Variants in CYP4F11 observed in about 807,000 individuals in gnomAD.
CYP4F11 encodes cytochrome P450 family 4 subfamily F member 11, also known as cytochrome P450 4F11.
Under a neutral mutation model 62.2 loss-of-function variants are expected in CYP4F11, and 79 were observed. The observed-to-expected ratio is 1.27, with a 90% confidence interval of 1.06 to 1.53. CYP4F11 has a LOEUF of 1.53. Ranked by LOEUF, CYP4F11 falls within the 40% of genes most tolerant of loss-of-function variation. The pLI is 0.00. For synonymous variants in CYP4F11, 290 were observed against 263.7 expected, an observed-to-expected ratio of 1.10 and a Z score of -0.97; for missense variants, 777 against 680.5, an observed-to-expected ratio of 1.14 and a Z score of -1.58.
chr19:15,912,733 GTA>G lies in CYP4F11; in HGVS notation c.*997_*998del, dbSNP rs1346656816. 1,231 of 52,112 alleles carry G rather than the reference GTA, an allele frequency of 0.024. 60 individuals are homozygous for G. The highest frequency in any genetic ancestry group is 0.024 in the Non-Finnish European group (706 of 29,606). 3.2% of individuals were successfully genotyped at this position (52,112 alleles called of 1,614,324 possible). A position where few individuals can be genotyped will look rare whatever the true frequency, so the allele number is the denominator to read the frequency against. On this transcript the variant is annotated 3_prime_UTR_variant, in exon 12 of 12. Coordinates refer to ENST00000402119, the MANE Select transcript of CYP4F11 (RefSeq NM_021187.4). ...TGTGTGTGTGTGTGTGTGTGTGTGT[GTA>G]TATGTATATATGTGTGTGTGTGTGT...
chr19:15,913,681 G>T lies in CYP4F11; in HGVS notation c.*51C>A. On this transcript the variant is annotated 3_prime_UTR_variant, in exon 12 of 12. Transcript: ENST00000402119. ...CAACGAGGCTCAAGCAGAGGTGTCA[G>T]CATAGTTTTGTTTCTGGGACTCTAC... 1 of 1,607,022 alleles carries T rather than the reference G, an allele frequency of 6.2e-7. No individual in the cohort carries two copies. The highest frequency in any genetic ancestry group is 8.5e-7 in the Non-Finnish European group (1 of 1,174,880).
At position 15,912,662 on chromosome 19, in the gene CYP4F11, C is replaced by A. The variant is rs1182561168; in HGVS notation, c.*1070G>T. 2 of 44,770 alleles carry A rather than the reference C, an allele frequency of 4.5e-5. No individual in the cohort carries two copies. The highest frequency in any genetic ancestry group is 5.2e-5 in the Non-Finnish European group (1 of 19,216). 2.8% of individuals were successfully genotyped at this position (44,770 alleles called of 1,614,324 possible). A position where few individuals can be genotyped will look rare whatever the true frequency, so the allele number is the denominator to read the frequency against. On this transcript the variant is annotated 3_prime_UTR_variant, in exon 12 of 12. Transcript: ENST00000402119. ...TCACACAGTCAGGTACCTTCACCAT[C>A]CTCAGGAAAAAAAAAAAAATATATA...
At position 15,912,773 on chromosome 19, in the gene CYP4F11, A is replaced by ATG. The variant is rs2089546696; in HGVS notation, c.*958_*959insCA. ...TGTGTGTGTGTGTGTGTGTGTGTGT[A>ATG]TATATATATATATATAATATATATA... On this transcript the variant is annotated 3_prime_UTR_variant, in exon 12 of 12. Transcript: ENST00000402119. 1 of 28,696 alleles carries ATG rather than the reference A, an allele frequency of 3.5e-5. No homozygotes were observed. The highest frequency in any genetic ancestry group is 9.9e-4 in the South Asian group (1 of 1,006). The allele number at this position is 28,696 out of a possible 1,614,324, so 1.8% of individuals were successfully genotyped here. A position where few individuals can be genotyped will look rare whatever the true frequency, so the allele number is the denominator to read the frequency against.
intron 8 of CYP4F11, among the ~76,000 whole-genome samples, chr19:15,921,800 T>C (rs1158625474): frequency 6.6e-6 from 1 of 152,184 alleles, no homozygotes; most frequent in African/African-American, 2.4e-5. Flanking sequence ...GAACACATGC[T>C]AAGTGGCATC....
rs191697057 is a variant in CYP4F11, at chr19:15,931,221, C to G, written c.199-1620G>C. On this transcript the variant is annotated intron_variant, in intron 1 of 11. Coordinates refer to ENST00000402119, the MANE Select transcript of CYP4F11 (RefSeq NM_021187.4). ...ACTGCCCACACTTCTCTTCTGGACC[C>G]TCTGTGTCCCTGCGTATGGAAAGGG... 2.0e-5 allele frequency among the ~76,000 whole-genome samples: 3 copies of G among 151,962 alleles called. No homozygotes were observed. In the East Asian group the frequency reaches 5.8e-4, roughly 29 times the overall value.
At chr19:15,926,432 T>C (rs1473671928) in intron 4 of CYP4F11, among the ~76,000 whole-genome samples, 2 of 152,212 alleles carry the variant, frequency 1.3e-5, no homozygotes, top group Non-Finnish European at 2.9e-5. Flanking sequence ...AAGAAAAACA[T>C]CCTAAGCACT....
intron 4 of CYP4F11, among the ~76,000 whole-genome samples, chr19:15,926,087 C>A (rs865872606): frequency 1.2e-4 from 18 of 151,568 alleles, no homozygotes; most frequent in African/African-American, 4.1e-4. Flanking sequence ...TGGCGTGAAC[C>A]CGGGAGGTGG....
chr19:15,913,941 C>G (rs770476991), intron 11 of CYP4F11, 32 bp from the exon 12 acceptor site: 15 of 1,586,662 alleles, frequency 9.5e-6, no homozygotes, highest in Admixed American at 5.1e-5. Context: ...TCTGACTGTG[C>G]CCATGACCCC....
rs1183276800 is a variant in CYP4F11 at position 15,912,805 on chromosome 19, T to TATATATATATATATATATATATAC, written c.*926_*927insGTATATATATATATATATATATAT. The TATATATATATATATATATATATAC allele has an allele frequency of 1.1e-4, 11 of 101,236 alleles. 3 individuals carry two copies. The highest frequency in any genetic ancestry group is 4.7e-4 in the African/African-American group (11 of 23,410). The allele number at this position is 101,236 out of a possible 1,614,324, so 6.3% of individuals were successfully genotyped here. A position where few individuals can be genotyped will look rare whatever the true frequency, so the allele number is the denominator to read the frequency against. On this transcript the variant is annotated 3_prime_UTR_variant, in exon 12 of 12. Coordinates refer to ENST00000402119, the MANE Select transcript of CYP4F11 (RefSeq NM_021187.4). The stretch of plus-strand genomic sequence containing the variant: ...TATATATATAATATATATATATATA[T>TATATATATATATATATATATATAC]ACATATCTTATATGCACAGCCCTCT...
At position 15,912,767 on chromosome 19, in the gene CYP4F11, G is replaced by GTA. The variant is rs1361388629; in HGVS notation, c.*964_*965insTA. The stretch of plus-strand genomic sequence containing the variant: ...TATATGTGTGTGTGTGTGTGTGTGT[G>GTA]TGTGTATATATATATATATATAATA... On this transcript the variant is annotated 3_prime_UTR_variant, in exon 12 of 12. Transcript: ENST00000402119. 0.016 allele frequency: 406 copies of GTA among 25,696 alleles called. 21 individuals carry two copies. The highest frequency in any genetic ancestry group is 0.029 in the Admixed American group (47 of 1,648). 1.6% of individuals were successfully genotyped at this position (25,696 alleles called of 1,614,324 possible).
At chr19:15,931,601 T>C (rs77264759) in intron 1 of CYP4F11, among the ~76,000 whole-genome samples, 7,084 of 33,334 alleles carry the variant, frequency 0.21, 385 homozygotes, top group Middle Eastern at 0.25. Flanking sequence ...AATGAGTGAG[T>C]GAGGAGAGGA....
upstream of CYP4F11, chr19:15,934,709 C>A: frequency 3.0e-6 from 1 of 336,172 alleles, no homozygotes; most frequent in Non-Finnish European, 5.4e-6. Context: ...AATCACCAGT[C>A]TCCCAGGCCA....
chr19:15,927,381 C>G (rs769566770), intron 3 of CYP4F11, 42 bp from the exon 4 acceptor site: 15 of 1,613,870 alleles, frequency 9.3e-6, no homozygotes, highest in Admixed American at 5.0e-5. Flanking sequence ...GCAGCACCCT[C>G]CCTTATCCCT....
At chr19:15,924,578 C>T (rs2089654530) in intron 5 of CYP4F11, among the ~76,000 whole-genome samples, 183 bp downstream of exon 5, 1 of 152,176 alleles carries the variant, frequency 6.6e-6, no homozygotes, top group African/African-American at 2.4e-5. Flanking sequence ...AATCTATCCC[C>T]TGTCTACTTC....
intron 5 of CYP4F11, among the ~76,000 whole-genome samples, 182 bp downstream of exon 5, chr19:15,924,577 CCT>C (rs1268018800): frequency 2.6e-5 from 4 of 152,168 alleles, no homozygotes; most frequent in South Asian, 2.1e-4. Flanking sequence ...AAATCTATCC[CCT>C]GTCTACTTCC....
At chr19:15,934,032 A>G (rs111496875) in intron 1 of CYP4F11, among the ~76,000 whole-genome samples, 179 bp downstream of exon 1, 55 of 79,508 alleles carry the variant, frequency 6.9e-4, no homozygotes, top group Non-Finnish European at 1.1e-3. Context: ...GGGCAGAGGA[A>G]TGAGTGAGCG....
intron 6 of CYP4F11, among the ~76,000 whole-genome samples, chr19:15,922,650 A>G (rs967821644): frequency 6.6e-6 from 1 of 152,206 alleles, no homozygotes; most frequent in African/African-American, 2.4e-5. Flanking sequence ...GGAAGAGTCA[A>G]TGACCTATGG....
intron 1 of CYP4F11, 67 bp downstream of exon 1, chr19:15,934,144 C>A: frequency 6.4e-7 from 1 of 1,557,404 alleles, no homozygotes; most frequent in South Asian, 1.1e-5. Context: ...CTCCCTGAGC[C>A]CCATTCCTGC....
intron 1 of CYP4F11, 34 bp downstream of exon 1, chr19:15,934,177 T>G (rs1185671597): frequency 6.2e-7 from 1 of 1,609,410 alleles, no homozygotes; most frequent in Non-Finnish European, 8.5e-7. Context: ...CCATGCATCC[T>G]GAGACCCCAG....
Sources: allele counts gnomAD v4.1 joint callset (sites outside exome capture counted in the v4.1 genomes callset), GRCh38; gene constraint gnomAD v4.1.1; transcripts MANE v1.5; gene names NCBI Gene and HGNC (gene_info 2026-07-23, HGNC 2026-07-21).